LRRC49: variants seen among roughly 807,000 people sequenced by gnomAD.
LRRC49 encodes the protein leucine rich repeat containing 49.
In LRRC49, 50 loss-of-function variants were observed where a neutral mutation model predicts 83.3. The ratio of observed to expected loss-of-function variants is 0.60; its 90% CI spans 0.48 to 0.76. The LOEUF (loss-of-function observed/expected upper bound fraction) is 0.76, where lower values mean the gene tolerates loss of function less well. Among genes scored for constraint, LRRC49 ranks in the 30% least tolerant of loss-of-function variants. LRRC49 has a pLI of 0.00. For missense variants in LRRC49, 704 were observed against 809.1 expected (o/e 0.87, Z 1.58); for synonymous variants, 286 against 283.3 (o/e 1.01, Z -0.10).
intron 11 of LRRC49, among the ~76,000 whole-genome samples, chr15:70,990,432 C>T (rs891705755): frequency 6.6e-6 from 1 of 152,208 alleles, no homozygotes; most frequent in Non-Finnish European, 1.5e-5. Flanking sequence ...ATAGGACCCT[C>T]CGAGCCAGGT....
rs551535436 is a variant in LRRC49 at position 70,948,130 on chromosome 15, G to A, written c.773+11308G>A. Among the ~76,000 whole-genome samples, 6 of 152,024 alleles carry A rather than the reference G, an allele frequency of 3.9e-5. No individual in the cohort carries two copies. The South Asian group carries it at 6.2e-4, about 16-fold the overall frequency. ...TATGTGTGTGCACACGTGTGTGTTC[G>A]TGTGTGTTCTACTTTCAATCTCCCC... On this transcript the variant is annotated intron_variant, in intron 8 of 15. Transcript: ENST00000260382.
chr15:70,980,206 T>C, intron 10 of LRRC49, 22 bp downstream of exon 10: 1 of 1,546,880 alleles, frequency 6.5e-7, no homozygotes, highest in Non-Finnish European at 8.9e-7. Flanking sequence ...GATGTCTACA[T>C]GGATGTGTGT....
At chr15:70,991,843 C>A (rs1417877208) in intron 11 of LRRC49, among the ~76,000 whole-genome samples, 1 of 152,092 alleles carries the variant, frequency 6.6e-6, no homozygotes, top group African/African-American at 2.4e-5. Flanking sequence ...TTAAGCCTTT[C>A]ATATGCAAAA....
At chr15:70,869,113 T>A (rs1481672232) in intron 1 of LRRC49, among the ~76,000 whole-genome samples, 1 of 152,042 alleles carries the variant, frequency 6.6e-6, no homozygotes, top group African/African-American at 2.4e-5. Context: ...GGAAAAAAAA[T>A]TTTAATGATA....
chr15:70,854,002 G>T, intron 1 of LRRC49: 3 of 1,463,854 alleles, frequency 2.0e-6, no homozygotes, highest in East Asian at 6.1e-5. Context: ...CCTCCAACTC[G>T]TCCACGTCCT....
intron 15 of LRRC49, among the ~76,000 whole-genome samples, chr15:71,042,437 G>A (rs1260758553): frequency 6.6e-6 from 1 of 152,112 alleles, no homozygotes; most frequent in African/African-American, 2.4e-5. Context: ...CAAAATATTT[G>A]GAAAGAAACA....
At chr15:70,937,423 T>G (rs2035637101) in intron 8 of LRRC49, among the ~76,000 whole-genome samples, 1 of 152,216 alleles carries the variant, frequency 6.6e-6, no homozygotes, top group South Asian at 2.1e-4. Context: ...GACTTTTCAA[T>G]GCAAAAGGGC....
intron 6 of LRRC49, among the ~76,000 whole-genome samples, chr15:70,914,048 G>T (rs561181430): frequency 1.3e-5 from 2 of 151,804 alleles, no homozygotes; most frequent in South Asian, 2.1e-4. Flanking sequence ...ACTTCTCAAG[G>T]TTCTTCCAGT....
intron 9 of LRRC49, among the ~76,000 whole-genome samples, chr15:70,979,897 T>C (rs961606742): frequency 2.0e-5 from 3 of 152,064 alleles, no homozygotes; most frequent in Admixed American, 6.6e-5. Flanking sequence ...GAGTTGGGAA[T>C]AGAGTTAGGA....
intron 9 of LRRC49, among the ~76,000 whole-genome samples, chr15:70,976,132 A>C (rs1478733599): frequency 6.6e-6 from 1 of 152,178 alleles, no homozygotes; most frequent in Non-Finnish European, 1.5e-5. Flanking sequence ...GTCATAAGCC[A>C]GTGAAAGTTT....
At chr15:70,926,694 G>C (rs1429069294) in intron 7 of LRRC49, among the ~76,000 whole-genome samples, 1 of 150,512 alleles carries the variant, frequency 6.6e-6, no homozygotes, top group African/African-American at 2.5e-5. Flanking sequence ...ACAGGCCCCA[G>C]TGTGTGATGT....
At chr15:70,904,490 AT>A (rs1165387165) in intron 4 of LRRC49, 61 bp from the exon 5 acceptor site, 9 of 1,116,614 alleles carry the variant, frequency 8.1e-6, no homozygotes, top group Admixed American at 1.9e-5. Flanking sequence ...TACTAATAAT[AT>A]TTGTAAGAAG....
At chr15:71,036,802 T>G (rs2039533679) in intron 14 of LRRC49, among the ~76,000 whole-genome samples, 1 of 152,236 alleles carries the variant, frequency 6.6e-6, no homozygotes, top group Non-Finnish European at 1.5e-5. Context: ...TTTGTGTGAT[T>G]TATAAGTGGT....
intron 8 of LRRC49, among the ~76,000 whole-genome samples, chr15:70,941,772 C>T (rs1354459056): frequency 6.6e-6 from 1 of 152,098 alleles, no homozygotes; most frequent in Non-Finnish European, 1.5e-5. Flanking sequence ...TTATTTATAA[C>T]ATTATAAAGT....
chr15:70,905,947 T>C (rs546909394), intron 5 of LRRC49, among the ~76,000 whole-genome samples: 1 of 152,134 alleles, frequency 6.6e-6, no homozygotes, highest in Non-Finnish European at 1.5e-5. Context: ...TTTTATGGCC[T>C]CGGGGAGAAA....
At chr15:70,854,079 A>C in intron 1 of LRRC49, 1 of 1,351,062 alleles carries the variant, frequency 7.4e-7, no homozygotes, top group Non-Finnish European at 9.6e-7. Flanking sequence ...TCCCCGCCGG[A>C]CTGGGCCATG....
chr15:70,883,907 C>T (rs2033334549), intron 2 of LRRC49, among the ~76,000 whole-genome samples: 1 of 152,088 alleles, frequency 6.6e-6, no homozygotes, highest in Non-Finnish European at 1.5e-5. Flanking sequence ...CCGCCTGCCT[C>T]AGCCTCCCAA....
intron 4 of LRRC49, among the ~76,000 whole-genome samples, chr15:70,903,262 T>C (rs898362783): frequency 1.3e-5 from 2 of 151,986 alleles, no homozygotes; most frequent in African/African-American, 4.8e-5. Context: ...ACTAAATTTA[T>C]TGATTTATCA....
chr15:71,026,217 T>G (rs2039166850), intron 14 of LRRC49, among the ~76,000 whole-genome samples: 1 of 152,178 alleles, frequency 6.6e-6, no homozygotes, highest in Non-Finnish European at 1.5e-5. Flanking sequence ...GACTTCCAGC[T>G]TCATCCATGT....
Sources: gnomAD v4.1 joint callset for allele counts (sites outside exome capture counted in the v4.1 genomes callset) on GRCh38, gnomAD v4.1.1 for gene constraint, MANE v1.5 for transcripts, NCBI Gene and HGNC (gene_info 2026-07-23, HGNC 2026-07-21) for gene names.